The following ACSL3 variants were observed in gnomAD, a reference collection of about 807,000 sequenced individuals.
ACSL3 encodes acyl-CoA synthetase long chain family member 3.
In ACSL3, 34 loss-of-function variants were observed where a neutral mutation model predicts 84.7. That is an observed-to-expected ratio of 0.40 (90% confidence interval 0.31 to 0.53). The LOEUF is 0.53. Among genes scored for constraint, ACSL3 ranks in the 20% least tolerant of loss-of-function variants. The pLI, the probability that ACSL3 is intolerant of heterozygous loss-of-function variation, is 0.48. For synonymous variants in ACSL3, 315 were observed against 299.4 expected (o/e 1.05, Z -0.54); for missense variants, 680 against 873.1 (o/e 0.78, Z 2.79).
chr2:222,899,028 TA>T (rs1162296238), intron 2 of ACSL3, among the ~76,000 whole-genome samples: 1 of 152,066 alleles, frequency 6.6e-6, no homozygotes, highest in African/African-American at 2.4e-5. Context: ...GTGGTTTATT[TA>T]AAAATGCTTT....
At chr2:222,935,235 G>A (rs1282072314) in intron 16 of ACSL3, among the ~76,000 whole-genome samples, 1 of 151,930 alleles carries the variant, frequency 6.6e-6, no homozygotes, top group Non-Finnish European at 1.5e-5. Flanking sequence ...TCTGTTGCCC[G>A]AACCAGAATG....
chr2:222,903,795 AC>A (rs1574541631), intron 3 of ACSL3, among the ~76,000 whole-genome samples: 2 of 152,270 alleles, frequency 1.3e-5, no homozygotes, highest in South Asian at 4.1e-4. Context: ...AAGATGTAAA[AC>A]CCTTTTTGCC....
intron 5 of ACSL3, chr2:222,917,432 A>G (rs988244571): frequency 6.6e-6 from 1 of 152,192 alleles, no homozygotes; most frequent in African/African-American, 2.4e-5. Context: ...TTTTGTTGTC[A>G]CAGGTTTGGA....
At chr2:222,916,059 C>G (rs1272713545) in intron 4 of ACSL3, among the ~76,000 whole-genome samples, 1 of 151,948 alleles carries the variant, frequency 6.6e-6, no homozygotes, top group African/African-American at 2.4e-5. Context: ...ATCAAACTCT[C>G]AATATTTTTG....
chr2:222,926,884 A>C, intron 11 of ACSL3, 133 bp from the exon 12 acceptor site: 1 of 914,354 alleles, frequency 1.1e-6, no homozygotes, highest in East Asian at 2.7e-5. Context: ...AGACTCTCCA[A>C]ATTGGCTGTG....
At chr2:222,879,248 G>A (rs1695532417) in intron 1 of ACSL3, among the ~76,000 whole-genome samples, 1 of 152,186 alleles carries the variant, frequency 6.6e-6, no homozygotes, top group African/African-American at 2.4e-5. Context: ...AACCCAGGAG[G>A]TGGAGATTGC....
At chr2:222,926,087 C>T (rs1011484215) in intron 11 of ACSL3, among the ~76,000 whole-genome samples, 5 of 151,936 alleles carry the variant, frequency 3.3e-5, no homozygotes, top group South Asian at 4.2e-4. Context: ...TTCAACCAAC[C>T]GTGGATCAAA....
chr2:222,883,167 G>GTTTTTTTTTT (rs71408541), intron 1 of ACSL3, among the ~76,000 whole-genome samples: 11 of 135,836 alleles, frequency 8.1e-5, no homozygotes, highest in African/African-American at 1.4e-4. Context: ...TTTGCTTTCT[G>GTTTTTTTTTT]TTTTTTTTTT....
At chr2:222,910,747 A>T (rs1696420139) in intron 4 of ACSL3, among the ~76,000 whole-genome samples, 1 of 152,202 alleles carries the variant, frequency 6.6e-6, no homozygotes, top group Non-Finnish European at 1.5e-5. Context: ...AACCATCCTG[A>T]TTTATACTTG....
intron 1 of ACSL3, among the ~76,000 whole-genome samples, chr2:222,877,781 A>G (rs1695488135): frequency 1.3e-5 from 2 of 152,360 alleles, no homozygotes; most frequent in South Asian, 2.1e-4. Context: ...CCCTTGATGC[A>G]TGGATAATTT....
At chr2:222,913,773 C>A (rs1011052719) in intron 4 of ACSL3, among the ~76,000 whole-genome samples, 1 of 152,116 alleles carries the variant, frequency 6.6e-6, no homozygotes, top group Admixed American at 6.6e-5. Context: ...ATATTCTAGT[C>A]CCATTACTTA....
At chr2:222,876,441 C>T (rs1695452049) in intron 1 of ACSL3, among the ~76,000 whole-genome samples, 2 of 152,106 alleles carry the variant, frequency 1.3e-5, no homozygotes, top group African/African-American at 4.8e-5. Flanking sequence ...CCTACCTCAG[C>T]CTCCCAAGTA....
intron 10 of ACSL3, 135 bp downstream of exon 10, chr2:222,923,284 C>T (rs2106131210): frequency 1.4e-6 from 1 of 717,734 alleles, no homozygotes; most frequent in Non-Finnish European, 2.3e-6. Context: ...TAAATATTGC[C>T]TTAGGCGCTA....
chr2:222,909,492 G>C (rs1273730328), intron 4 of ACSL3: 1 of 218,798 alleles, frequency 4.6e-6, no homozygotes, highest in Non-Finnish European at 8.9e-6. Flanking sequence ...GACCTGCTGT[G>C]TTAAATGTGG....
At chr2:222,918,666 C>G (rs893000802) in intron 6 of ACSL3, among the ~76,000 whole-genome samples, 1 of 145,938 alleles carries the variant, frequency 6.9e-6, no homozygotes, top group African/African-American at 2.5e-5. Context: ...TAAACTTGTT[C>G]AAAAAGAAAA....
chr2:222,875,705 A>G (rs1020743245), intron 1 of ACSL3, among the ~76,000 whole-genome samples: 6 of 152,020 alleles, frequency 3.9e-5, no homozygotes, highest in African/African-American at 1.4e-4. Flanking sequence ...GGCCTTACTG[A>G]TTGCTGCTTG....
chr2:222,908,550 G>T (rs1696356664), intron 3 of ACSL3, among the ~76,000 whole-genome samples, 183 bp from the exon 4 acceptor site: 1 of 151,994 alleles, frequency 6.6e-6, no homozygotes, highest in Admixed American at 6.6e-5. Flanking sequence ...AACTTTTCTT[G>T]TAATTCCGTT....
intron 3 of ACSL3, among the ~76,000 whole-genome samples, chr2:222,902,358 G>A (rs1385918482): frequency 1.3e-5 from 2 of 152,240 alleles, no homozygotes; most frequent in African/African-American, 4.8e-5. Context: ...GTTACTTAGC[G>A]TCCCCTGAGG....
chr2:222,916,883 C>A (rs1696597010), intron 5 of ACSL3, among the ~76,000 whole-genome samples: 2 of 152,084 alleles, frequency 1.3e-5, no homozygotes, highest in African/African-American at 4.8e-5. Flanking sequence ...TGGTGAACTT[C>A]AAGGTGCAGG....
Sources: allele counts gnomAD v4.1 joint callset (sites outside exome capture counted in the v4.1 genomes callset), GRCh38; gene constraint gnomAD v4.1.1; transcripts MANE v1.5; gene names NCBI Gene and HGNC (gene_info 2026-07-23, HGNC 2026-07-21).